DLG2: variants seen among roughly 807,000 people sequenced by gnomAD.
DLG2 encodes discs large MAGUK scaffold protein 2, also known as disks large homolog 2.
A neutral mutation model predicts 132.5 loss-of-function variants in DLG2; 45 were observed. That is an observed-to-expected ratio of 0.34 (90% CI 0.27 to 0.44). The LOEUF (loss-of-function observed/expected upper bound fraction) is 0.44. Ranked by LOEUF, DLG2 falls within the 20% of genes least tolerant of loss-of-function variation. DLG2 has a pLI of 1.00. For synonymous variants in DLG2, 424 were observed against 419.6 expected, an observed-to-expected ratio of 1.01 and a Z score of -0.13; for missense variants, 1,045 against 1,196.9, an observed-to-expected ratio of 0.87 and a Z score of 1.87.
intron 9 of DLG2, among the ~76,000 whole-genome samples, chr11:84,155,023 A>C (rs1466585991): frequency 6.6e-6 from 1 of 152,244 alleles, no homozygotes; most frequent in Non-Finnish European, 1.5e-5. Context: ...CATCTGACAA[A>C]GGGCTAATAT....
intron 4 of DLG2, among the ~76,000 whole-genome samples, chr11:85,248,196 G>T (rs578151633): frequency 6.6e-6 from 1 of 152,098 alleles, no homozygotes; most frequent in South Asian, 2.1e-4. Flanking sequence ...ACAAACAAAC[G>T]AACTGAGGCC....
At chr11:85,134,024 A>G (rs189234666) in intron 5 of DLG2, among the ~76,000 whole-genome samples, 2 of 151,404 alleles carry the variant, frequency 1.3e-5, no homozygotes, top group African/African-American at 4.9e-5. Flanking sequence ...GGAAGGGAGA[A>G]TGAGGGAGAG....
chr11:85,015,112 C>T (rs1011818261), intron 6 of DLG2, among the ~76,000 whole-genome samples: 61 of 152,276 alleles, frequency 4.0e-4, no homozygotes, highest in African/African-American at 1.4e-3. Context: ...GAAATGAATG[C>T]TTGCCAATTT....
At chr11:84,160,540 T>C (rs1285353997) in intron 9 of DLG2, among the ~76,000 whole-genome samples, 1 of 152,128 alleles carries the variant, frequency 6.6e-6, no homozygotes, top group Admixed American at 6.6e-5. Context: ...AATAGACAAT[T>C]TTCTTAGATT....
chr11:85,174,948 C>A (rs922580885), intron 4 of DLG2, among the ~76,000 whole-genome samples: 1 of 152,092 alleles, frequency 6.6e-6, no homozygotes, highest in Non-Finnish European at 1.5e-5. Flanking sequence ...AGACCAATAA[C>A]AAGTTCTGAA....
chr11:83,922,599 T>G (rs748625094), intron 15 of DLG2, among the ~76,000 whole-genome samples: 11 of 152,152 alleles, frequency 7.2e-5, no homozygotes, highest in Admixed American at 6.6e-4. Context: ...ATGGTGCTGT[T>G]TCCCAGATTG....
intron 6 of DLG2, among the ~76,000 whole-genome samples, chr11:84,965,953 A>G (rs1203991033): frequency 6.6e-6 from 1 of 152,114 alleles, no homozygotes; most frequent in Non-Finnish European, 1.5e-5. Flanking sequence ...TTCACTTTTT[A>G]AAGTTTCTGT....
chr11:84,506,115 G>A (rs973807290), intron 7 of DLG2, among the ~76,000 whole-genome samples: 5 of 107,418 alleles, frequency 4.7e-5, no homozygotes, highest in African/African-American at 2.9e-4. Context: ...TAGCTCTGTC[G>A]CCCAGGCTGG....
chr11:84,711,954 C>T (rs1236493144), intron 6 of DLG2, among the ~76,000 whole-genome samples: 1 of 152,032 alleles, frequency 6.6e-6, no homozygotes, highest in Non-Finnish European at 1.5e-5. Flanking sequence ...TATAATATGG[C>T]TCCTGCCCCT....
chr11:85,332,998 T>C (rs1455130261), intron 3 of DLG2, among the ~76,000 whole-genome samples: 1 of 152,340 alleles, frequency 6.6e-6, no homozygotes, highest in African/African-American at 2.4e-5. Flanking sequence ...ATGTCATTGC[T>C]AGTTTGATAC....
intron 6 of DLG2, among the ~76,000 whole-genome samples, chr11:84,668,857 CTG>C (rs1202371470): frequency 6.6e-6 from 1 of 152,098 alleles, no homozygotes; most frequent in Non-Finnish European, 1.5e-5. Flanking sequence ...ACACAAAACA[CTG>C]TGCAAAAACA....
chr11:85,368,172 G>C (rs77213266), intron 3 of DLG2, among the ~76,000 whole-genome samples: 5,455 of 152,254 alleles, frequency 0.036, 144 homozygotes, highest in Admixed American at 0.049. Context: ...CCAAGGTTAT[G>C]AGTCTATTCA....
chr11:85,604,176 C>T (rs1384990789), intron 2 of DLG2, among the ~76,000 whole-genome samples: 1 of 152,136 alleles, frequency 6.6e-6, no homozygotes, highest in Admixed American at 6.5e-5. Flanking sequence ...AAATTTGACA[C>T]ATAAAAAATG....
chr11:85,016,577 A>T (rs2059595610), intron 6 of DLG2, among the ~76,000 whole-genome samples: 1 of 152,016 alleles, frequency 6.6e-6, no homozygotes, highest in Non-Finnish European at 1.5e-5. Flanking sequence ...GTCTCTCTCA[A>T]CTCACACCTA....
chr11:85,194,543 CAG>C (rs1171151828), intron 4 of DLG2, among the ~76,000 whole-genome samples: 2 of 151,928 alleles, frequency 1.3e-5, no homozygotes, highest in East Asian at 3.9e-4. Context: ...CCAGAAGTCT[CAG>C]AGAGTAGAAT....
At chr11:84,316,775 C>T (rs568058094) in intron 7 of DLG2, 3 of 1,523,082 alleles carry the variant, frequency 2.0e-6, no homozygotes, top group South Asian at 1.3e-5. Flanking sequence ...AAACAACTTG[C>T]TCTCACTTTC....
At chr11:85,064,261 G>A (rs375577500) in intron 6 of DLG2, among the ~76,000 whole-genome samples, 1 of 151,920 alleles carries the variant, frequency 6.6e-6, no homozygotes, top group East Asian at 1.9e-4. Flanking sequence ...TTTCAAAAAT[G>A]TTCTAATAAA....
At chr11:83,797,189 G>A (rs1038200567) in intron 17 of DLG2, among the ~76,000 whole-genome samples, 3 of 151,900 alleles carry the variant, frequency 2.0e-5, no homozygotes, top group Non-Finnish European at 4.4e-5. Flanking sequence ...GATACGGGAG[G>A]AACAAATGTG....
At chr11:84,292,271 C>A (rs191018799) in intron 7 of DLG2, among the ~76,000 whole-genome samples, 13 of 152,182 alleles carry the variant, frequency 8.5e-5, no homozygotes, top group Non-Finnish European at 1.6e-4. Context: ...TCACCTCATG[C>A]CTATAGTTAC....
Sources: gnomAD v4.1 joint callset for allele counts (sites outside exome capture counted in the v4.1 genomes callset) on GRCh38, gnomAD v4.1.1 for gene constraint, MANE v1.5 for transcripts, NCBI Gene and HGNC (gene_info 2026-07-23, HGNC 2026-07-21) for gene names.